Variants in LRRIQ3 observed in about 807,000 individuals in gnomAD.
LRRIQ3 encodes leucine rich repeats and IQ motif containing 3.
Under a neutral mutation model 59.3 loss-of-function variants are expected in LRRIQ3, and 75 were observed. The ratio of observed to expected loss-of-function variants is 1.26; its 90% confidence interval spans 1.05 to 1.53. LRRIQ3 has a LOEUF of 1.53. Ranked by LOEUF, LRRIQ3 falls within the 40% of genes most tolerant of loss-of-function variation. LRRIQ3 has a pLI of 0.00. For missense variants in LRRIQ3, 831 were observed against 710.0 expected (o/e 1.17, Z -1.94); for synonymous variants, 250 against 231.3 (o/e 1.08, Z -0.73).
chr1:74,079,304 T>C (rs74457819), intron 5 of LRRIQ3, among the ~76,000 whole-genome samples: 5,093 of 151,786 alleles, frequency 0.034, 305 homozygotes, highest in African/African-American at 0.12. Flanking sequence ...CCTGCTATAC[T>C]AGATTTAATG....
chr1:74,100,889 A>T (rs1325249302), intron 5 of LRRIQ3, among the ~76,000 whole-genome samples: 1 of 152,140 alleles, frequency 6.6e-6, no homozygotes, highest in East Asian at 1.9e-4. Flanking sequence ...CCTTCCTTAC[A>T]CCTTATACAA....
intron 6 of LRRIQ3, among the ~76,000 whole-genome samples, chr1:74,057,141 T>C (rs1012843496): frequency 2.0e-5 from 3 of 152,138 alleles, no homozygotes; most frequent in Non-Finnish European, 4.4e-5. Flanking sequence ...AATGGTCTAA[T>C]ATACTACCCA....
At chr1:74,046,115 T>C (rs1654195902) in intron 6 of LRRIQ3, among the ~76,000 whole-genome samples, 1 of 152,094 alleles carries the variant, frequency 6.6e-6, no homozygotes, top group African/African-American at 2.4e-5. Context: ...TACTTTAAAG[T>C]TCATATGGAA....
chr1:74,190,406 A>G (rs1650684380), intron 1 of LRRIQ3, among the ~76,000 whole-genome samples: 1 of 152,058 alleles, frequency 6.6e-6, no homozygotes, highest in Non-Finnish European at 1.5e-5. Flanking sequence ...TAGATGGGAC[A>G]TGACTGATAA....
chr1:74,167,353 G>A (rs1570245997), intron 3 of LRRIQ3, among the ~76,000 whole-genome samples: 1 of 151,632 alleles, frequency 6.6e-6, no homozygotes. Flanking sequence ...AGTAACTCAG[G>A]AATGGAAAAC....
At position 74,183,419 on chromosome 1, in the gene LRRIQ3, A is replaced by T; in HGVS notation, c.249+17T>A. 6.5e-7 allele frequency: 1 copy of T among 1,527,160 alleles called. No homozygotes were observed. The highest frequency in any genetic ancestry group is 8.8e-7 in the Non-Finnish European group (1 of 1,138,286). 94.6% of individuals were successfully genotyped at this position (1,527,160 alleles called of 1,614,324 possible). On this transcript the variant is annotated intron_variant, in intron 2 of 7. Coordinates refer to ENST00000354431, the MANE Select transcript of LRRIQ3 (RefSeq NM_001105659.2). ...AATTTCGTTTATATGCAAATATCTG[A>T]AATGGCTATTGCTTACCTGATTTCC... is the stretch of plus-strand genomic sequence containing the variant.
chr1:74,142,895 G>T (rs1647322908), intron 4 of LRRIQ3, among the ~76,000 whole-genome samples: 1 of 151,936 alleles, frequency 6.6e-6, no homozygotes, highest in Admixed American at 6.6e-5. Flanking sequence ...CAGTCTTCCA[G>T]TAAGTCTAAT....
At chr1:74,098,579 A>G (rs929485398) in intron 5 of LRRIQ3, among the ~76,000 whole-genome samples, 3 of 152,168 alleles carry the variant, frequency 2.0e-5, no homozygotes, top group African/African-American at 7.2e-5. Context: ...AGAACTCTCC[A>G]CCCCAGATCA....
chr1:74,068,424 CT>C (rs1389871084), intron 6 of LRRIQ3, among the ~76,000 whole-genome samples: 1 of 152,020 alleles, frequency 6.6e-6, no homozygotes, highest in Non-Finnish European at 1.5e-5. Context: ...ATCACTTTTA[CT>C]TTTGCTCACA....
At position 74,026,906 on chromosome 1, in the gene LRRIQ3, T is replaced by C; in HGVS notation, c.1782A>G (p.Glu594=). Residue 594 remains glutamate, a synonymous_variant, in exon 8 of 8, where the codon GAA becomes GAG. Transcript: ENST00000354431. ...EKFVMDMIAF[E]KACERLQDAK... ...CATCTTGAAGTCTTTCACAGGCTTT[T>C]TCAAAGGCAATCATATCCATAACAA... 6.2e-7 allele frequency: 1 copy of C among 1,603,722 alleles called. No individual in the cohort carries two copies. Among genetic ancestry groups the C allele is most frequent in the East Asian group, 2.2e-5 (1 of 44,622 alleles).
At chr1:74,041,076 T>C in intron 7 of LRRIQ3, 137 bp downstream of exon 7, 1 of 702,834 alleles carries the variant, frequency 1.4e-6, no homozygotes. Context: ...GTATATTATT[T>C]GTTCTTTGTT....
intron 4 of LRRIQ3, among the ~76,000 whole-genome samples, chr1:74,140,581 A>G (rs903763939): frequency 2.0e-5 from 3 of 151,912 alleles, no homozygotes; most frequent in African/African-American, 7.2e-5. Context: ...ATAGAAACAC[A>G]AAAAATATCT....
At chr1:74,027,486 G>A (rs1653551305) in intron 7 of LRRIQ3, among the ~76,000 whole-genome samples, 1 of 152,090 alleles carries the variant, frequency 6.6e-6, no homozygotes, top group African/African-American at 2.4e-5. Context: ...GTGTACAGAA[G>A]AAAGGCCATG....
At chr1:74,174,645 T>C (rs1448124716) in intron 3 of LRRIQ3, among the ~76,000 whole-genome samples, 2 of 151,766 alleles carry the variant, frequency 1.3e-5, no homozygotes, top group East Asian at 1.9e-4. Flanking sequence ...CCACCTGCCT[T>C]GGCCTCTGAA....
chr1:74,111,144 A>G (rs1260601863), intron 4 of LRRIQ3, among the ~76,000 whole-genome samples: 1 of 152,052 alleles, frequency 6.6e-6, no homozygotes, highest in Non-Finnish European at 1.5e-5. Context: ...AGAAAAGAAA[A>G]GAATGGATGT....
Position 74,123,276 on chromosome 1 carries a change from G to A in LRRIQ3, c.708-13723C>T, listed in dbSNP as rs754120866. Reference sequence around the variant, plus strand: ...ATTAATGGGGTATCCATCACCTCAAGCATTTATCCTTTCTTTGTTTTACAA... The same window carrying A: ...ATTAATGGGGTATCCATCACCTCAAACATTTATCCTTTCTTTGTTTTACAA... On this transcript the variant is annotated intron_variant, in intron 4 of 7. Transcript: ENST00000354431. Among the ~76,000 whole-genome samples, 6 of 151,894 alleles carry A rather than the reference G, an allele frequency of 4.0e-5. 1 individual carries two copies. Among genetic ancestry groups the A allele is most frequent in the Non-Finnish European group, 7.4e-5 (5 of 67,934 alleles).
At chr1:74,132,205 TG>T (rs1647034502) in intron 4 of LRRIQ3, among the ~76,000 whole-genome samples, 1 of 152,114 alleles carries the variant, frequency 6.6e-6, no homozygotes, top group Non-Finnish European at 1.5e-5. Flanking sequence ...TACAAACGAC[TG>T]ATCAATGAAA....
intron 4 of LRRIQ3, among the ~76,000 whole-genome samples, chr1:74,123,542 G>A (rs1224198193): frequency 1.3e-5 from 2 of 151,940 alleles, no homozygotes; most frequent in Non-Finnish European, 2.9e-5. Context: ...AAATGAGTGA[G>A]AATAAGCAAA....
intron 6 of LRRIQ3, among the ~76,000 whole-genome samples, chr1:74,061,378 C>T: frequency 6.6e-6 from 1 of 152,234 alleles, no homozygotes; most frequent in Non-Finnish European, 1.5e-5. Context: ...GGCCAAAGTA[C>T]TTAACAGATT....
Sources: gnomAD v4.1 joint callset for allele counts (sites outside exome capture counted in the v4.1 genomes callset) on GRCh38, gnomAD v4.1.1 for gene constraint, MANE v1.5 for transcripts, NCBI Gene and HGNC (gene_info 2026-07-23, HGNC 2026-07-21) for gene names.